The following NRXN3 variants were observed in gnomAD, a reference collection of about 807,000 sequenced individuals.
The protein encoded by NRXN3 is neurexin III.
In NRXN3, 32 loss-of-function variants were observed where a neutral mutation model predicts 137.6. The observed-to-expected ratio is 0.23, with a 90% CI of 0.18 to 0.31. The LOEUF (loss-of-function observed/expected upper bound fraction) is 0.31, where lower values mean the gene tolerates loss of function less well. Ranked by LOEUF, NRXN3 falls within the 10% of genes least tolerant of loss-of-function variation. The pLI is 1.00. For missense variants in NRXN3, 1,574 were observed against 2,062.5 expected (o/e 0.76, Z 4.59); for synonymous variants, 798 against 784.5 (o/e 1.02, Z -0.29).
At chr14:79,816,453 T>C (rs537539589) in intron 20 of NRXN3, among the ~76,000 whole-genome samples, 1 of 152,324 alleles carries the variant, frequency 6.6e-6, no homozygotes, top group African/African-American at 2.4e-5. Flanking sequence ...GAAGCAAAAT[T>C]AGAACTCCTG....
At chr14:78,829,728 G>A (rs1466267019) in intron 10 of NRXN3, among the ~76,000 whole-genome samples, 3 of 152,048 alleles carry the variant, frequency 2.0e-5, no homozygotes, top group African/African-American at 7.2e-5. Flanking sequence ...TGTTGCTAAT[G>A]GTTGTAAAAA....
At chr14:78,450,445 T>A (rs1222825553) in intron 4 of NRXN3, among the ~76,000 whole-genome samples, 1 of 152,142 alleles carries the variant, frequency 6.6e-6, no homozygotes, top group Admixed American at 6.5e-5. Context: ...TGTGCTCCAG[T>A]CTTCTCCAAG....
chr14:78,735,969 C>T (rs577672721), intron 8 of NRXN3, among the ~76,000 whole-genome samples: 14 of 152,224 alleles, frequency 9.2e-5, no homozygotes, highest in African/African-American at 3.4e-4. Flanking sequence ...GGAATGATTC[C>T]TCCTTTATAT....
At chr14:79,219,694 T>C (rs533473449) in intron 15 of NRXN3, among the ~76,000 whole-genome samples, 1 of 152,274 alleles carries the variant, frequency 6.6e-6, no homozygotes, top group East Asian at 1.9e-4. Context: ...GATTCACAAC[T>C]TTTAATAGAC....
At chr14:78,831,614 A>G (rs981950811) in intron 10 of NRXN3, among the ~76,000 whole-genome samples, 4 of 149,924 alleles carry the variant, frequency 2.7e-5, no homozygotes, top group Non-Finnish European at 1.5e-5. Flanking sequence ...CAGAGTTTTC[A>G]TGGGTGAATA....
chr14:78,478,134 T>G (rs925300821), intron 4 of NRXN3, among the ~76,000 whole-genome samples: 4 of 152,218 alleles, frequency 2.6e-5, no homozygotes, highest in African/African-American at 9.6e-5. Flanking sequence ...GGTATCATGA[T>G]AGTCAAACGT....
chr14:79,747,743 G>T (rs2098983989), intron 19 of NRXN3, among the ~76,000 whole-genome samples: 1 of 152,136 alleles, frequency 6.6e-6, no homozygotes, highest in African/African-American at 2.4e-5. Flanking sequence ...TCTAGAGGAA[G>T]TAATCATATG....
chr14:78,985,455 A>G (rs181161810), intron 14 of NRXN3, among the ~76,000 whole-genome samples: 218 of 152,362 alleles, frequency 1.4e-3, no homozygotes, highest in African/African-American at 4.8e-3. Flanking sequence ...AATAATTGCT[A>G]TGGCCACAAC....
At chr14:78,181,485 G>A (rs868768739) in intron 1 of NRXN3, among the ~76,000 whole-genome samples, 14 of 152,294 alleles carry the variant, frequency 9.2e-5, no homozygotes, top group Middle Eastern at 3.4e-3. Flanking sequence ...CTTTGCTCAG[G>A]CCTGGCTATC....
chr14:78,599,679 C>T (rs2097187213), intron 4 of NRXN3, among the ~76,000 whole-genome samples: 1 of 152,202 alleles, frequency 6.6e-6, no homozygotes, highest in Non-Finnish European at 1.5e-5. Context: ...TACAGCCTAA[C>T]ATTAGTTTTC....
chr14:79,631,234 A>T lies in NRXN3; in HGVS notation c.3445-32544A>T, dbSNP rs537339346. 7.9e-5 allele frequency among the ~76,000 whole-genome samples: 12 copies of T among 152,380 alleles called. No individual in the cohort carries two copies. In the South Asian group the frequency reaches 2.5e-3, roughly 32 times the overall value. On this transcript the variant is annotated intron_variant, in intron 16 of 20. Coordinates refer to ENST00000335750, the MANE Select transcript of NRXN3 (RefSeq NM_001330195.2). ...ATTGGTAAATTATAGTCAATTGCCA[A>T]CAGCAGTAAGTGCTAGAGAGGAAAG...
chr14:78,841,165 CG>C (rs1180690140), intron 10 of NRXN3, among the ~76,000 whole-genome samples: 1 of 152,062 alleles, frequency 6.6e-6, no homozygotes, highest in African/African-American at 2.4e-5. Flanking sequence ...TTGTTTTGAT[CG>C]AGCTGAGAAG....
chr14:78,492,195 C>T (rs549637301), intron 4 of NRXN3, among the ~76,000 whole-genome samples: 2 of 152,252 alleles, frequency 1.3e-5, no homozygotes, highest in East Asian at 3.9e-4. Context: ...TTTTACTTTC[C>T]AGTTATCCAA....
At chr14:78,577,468 G>C (rs2152340696) in intron 4 of NRXN3, among the ~76,000 whole-genome samples, 1 of 152,224 alleles carries the variant, frequency 6.6e-6, no homozygotes, top group East Asian at 1.9e-4. Context: ...GGAATTATAG[G>C]TGAATTTTTT....
chr14:79,233,686 G>C (rs778571682), intron 15 of NRXN3, among the ~76,000 whole-genome samples: 1 of 151,950 alleles, frequency 6.6e-6, no homozygotes, highest in Non-Finnish European at 1.5e-5. Context: ...GTGTGTGTGT[G>C]TGTGTGTGTG....
chr14:79,758,893 G>A (rs2099029099), intron 19 of NRXN3, among the ~76,000 whole-genome samples: 1 of 152,152 alleles, frequency 6.6e-6, no homozygotes, highest in South Asian at 2.1e-4. Context: ...GCCCAGAGAA[G>A]TCATTTAAAC....
At chr14:78,841,960 A>T (rs2099013673) in intron 10 of NRXN3, among the ~76,000 whole-genome samples, 1 of 152,136 alleles carries the variant, frequency 6.6e-6, no homozygotes, top group Non-Finnish European at 1.5e-5. Flanking sequence ...TGAGGATTTG[A>T]TAATTTCATG....
At chr14:78,634,972 C>T (rs1263889998) in intron 4 of NRXN3, among the ~76,000 whole-genome samples, 1 of 152,094 alleles carries the variant, frequency 6.6e-6, no homozygotes, top group Admixed American at 6.5e-5. Context: ...CTTATACTTC[C>T]CTGTTCATCA....
chr14:78,493,745 T>C (rs898572939), intron 4 of NRXN3, among the ~76,000 whole-genome samples: 3 of 152,032 alleles, frequency 2.0e-5, no homozygotes, highest in Non-Finnish European at 4.4e-5. Context: ...CAAAAAGGAA[T>C]TTAAAACATT....
Sources: gnomAD v4.1 joint callset for allele counts (sites outside exome capture counted in the v4.1 genomes callset) on GRCh38, gnomAD v4.1.1 for gene constraint, MANE v1.5 for transcripts, NCBI Gene and HGNC (gene_info 2026-07-23, HGNC 2026-07-21) for gene names.